CDYL: variants seen among roughly 807,000 people sequenced by gnomAD.
CDYL encodes chromodomain Y-like protein.
A neutral mutation model predicts 47.3 loss-of-function variants in CDYL; 8 were observed. That is an observed-to-expected ratio of 0.17 (90% confidence interval 0.10 to 0.31). The LOEUF is 0.31. CDYL is among the 10% of genes least tolerant of loss of function. The pLI is 1.00. For missense variants in CDYL, 471 were observed against 701.4 expected (o/e 0.67, Z 3.71); for synonymous variants, 266 against 265.0 (o/e 1.00, Z -0.04).
At chr6:4,867,097 A>C (rs1221281083) in intron 1 of CDYL, among the ~76,000 whole-genome samples, 1 of 152,080 alleles carries the variant, frequency 6.6e-6, no homozygotes, top group Non-Finnish European at 1.5e-5. Flanking sequence ...TTTCTCACAG[A>C]TATCTTTTTT....
intron 1 of CDYL, among the ~76,000 whole-genome samples, chr6:4,828,415 G>T (rs1013050993): frequency 3.3e-5 from 5 of 151,952 alleles, no homozygotes; most frequent in Admixed American, 3.3e-4. Flanking sequence ...ACACCACCAT[G>T]CCTGGCTTCA....
At chr6:4,781,230 A>AT (rs1561847409) in intron 1 of CDYL, among the ~76,000 whole-genome samples, 2 of 152,166 alleles carry the variant, frequency 1.3e-5, no homozygotes, top group African/African-American at 4.8e-5. Flanking sequence ...CTTTCTTCCT[A>AT]CTTTGCGATA....
At chr6:4,900,226 T>G (rs1486150241) in intron 2 of CDYL, among the ~76,000 whole-genome samples, 2 of 152,252 alleles carry the variant, frequency 1.3e-5, no homozygotes, top group East Asian at 3.8e-4. Context: ...TAGCATTTGC[T>G]CTTTTTATTT....
chr6:4,788,568 C>G (rs966439483), intron 1 of CDYL, among the ~76,000 whole-genome samples: 1 of 151,056 alleles, frequency 6.6e-6, no homozygotes, highest in African/African-American at 2.4e-5. Context: ...GAAAAGGAAC[C>G]CTTGGGGCAA....
At chr6:4,780,002 T>C (rs1163595223) in intron 1 of CDYL, among the ~76,000 whole-genome samples, 2 of 152,228 alleles carry the variant, frequency 1.3e-5, no homozygotes, top group South Asian at 2.1e-4. Flanking sequence ...TCCTAACTTG[T>C]AGGTTCCACA....
chr6:4,756,580 ATGTGTGTGTGTGTGTG>A (rs4053260), intron 3 of CDYL, among the ~76,000 whole-genome samples: 2 of 142,812 alleles, frequency 1.4e-5, no homozygotes, highest in East Asian at 2.1e-4. Context: ...TATCGTGTGT[ATGTGTGTGTGTGTGTG>A]TGTGTGTGTG....
rs1462920821 is a variant in CDYL at position 4,873,146 on chromosome 6, AT to A, written c.25-18564del. ...AGTACACAAAAGAGCAAGTGGTTTT[AT>A]TTGTACCAGACACCATTCTGCACTT... On this transcript the variant is annotated intron_variant, in intron 1 of 6. Transcript: ENST00000397588. Among the ~76,000 whole-genome samples, 11 of 152,330 alleles carry A rather than the reference AT, an allele frequency of 7.2e-5. No homozygotes were observed. The South Asian group carries it at 1.4e-3, about 20-fold the overall frequency.
intron 5 of CDYL, among the ~76,000 whole-genome samples, chr6:4,951,995 C>T (rs79846449): frequency 0.019 from 2,952 of 152,210 alleles, 86 homozygotes; most frequent in African/African-American, 0.067. Flanking sequence ...TTTATTGAGT[C>T]CCTGTAATTC....
At chr6:4,814,372 A>C (rs1759611935) in intron 1 of CDYL, among the ~76,000 whole-genome samples, 1 of 152,210 alleles carries the variant, frequency 6.6e-6, no homozygotes, top group Admixed American at 6.5e-5. Flanking sequence ...AGAAAGTGAA[A>C]CTGAACAGGT....
intron 2 of CDYL, among the ~76,000 whole-genome samples, chr6:4,916,108 A>G (rs554145332): frequency 5.5e-4 from 83 of 152,220 alleles, no homozygotes; most frequent in African/African-American, 1.9e-3. Flanking sequence ...CTGTATTCCT[A>G]AAATGTCTAA....
At chr6:4,751,030 ATT>A (rs1254601946) in intron 3 of CDYL, among the ~76,000 whole-genome samples, 1 of 151,230 alleles carries the variant, frequency 6.6e-6, no homozygotes, top group African/African-American at 2.4e-5. Context: ...TTTTTTGTAT[ATT>A]TTTTAGTAGA....
At position 4,895,407 on chromosome 6, in the gene CDYL, G is replaced by GTATGTA; in HGVS notation, c.691+3031_691+3032insGTATAT. 2.0e-3 allele frequency among the ~76,000 whole-genome samples: 4 copies of GTATGTA among 2,000 alleles called. 2 individuals are homozygous for GTATGTA. Among genetic ancestry groups the GTATGTA allele is most frequent in the African/African-American group, 2.0e-3 (4 of 1,954 alleles). 1.3% of individuals were successfully genotyped at this position (2,000 alleles called of 152,430 possible). ...TATGTGCATATATGCATGTATACAT[G>GTATGTA]TATACGTATATATGCATGTATACAT... is the stretch of plus-strand genomic sequence containing the variant. On this transcript the variant is annotated intron_variant, in intron 2 of 6. Transcript: ENST00000397588.
chr6:4,720,446 G>A (rs1254483070), intron 2 of CDYL, among the ~76,000 whole-genome samples: 1 of 152,120 alleles, frequency 6.6e-6, no homozygotes, highest in Non-Finnish European at 1.5e-5. Flanking sequence ...AATGTAATAT[G>A]CTCAGGTCAA....
At position 4,761,344 on chromosome 6, in the gene CDYL, C is replaced by T. The variant is rs185673352; in HGVS notation, c.186+26500C>T. ...ATATTTTTGGTGAGAGTGACTTTCCCCATGATTTTTTTTTCCCCAGACTGA... is the reference window on the plus strand; with the variant it reads ...ATATTTTTGGTGAGAGTGACTTTCCTCATGATTTTTTTTTCCCCAGACTGA... On this transcript the variant is annotated intron_variant, in intron 3 of 8. Coordinates refer to the CDYL transcript ENST00000328908. Among the ~76,000 whole-genome samples the T allele has an allele frequency of 1.9e-3, 282 of 152,182 alleles. 1 individual carries two copies. The highest frequency in any genetic ancestry group is 6.5e-3 in the African/African-American group (271 of 41,546).
intron 6 of CDYL, among the ~76,000 whole-genome samples, chr6:4,953,485 T>G (rs1201658078): frequency 6.6e-6 from 1 of 152,182 alleles, no homozygotes; most frequent in South Asian, 2.1e-4. Context: ...CTGACACGAC[T>G]CCCATCCCAG....
At chr6:4,750,883 T>G (rs1320173275) in intron 3 of CDYL, among the ~76,000 whole-genome samples, 1 of 151,342 alleles carries the variant, frequency 6.6e-6, no homozygotes, top group Non-Finnish European at 1.5e-5. Flanking sequence ...GATGGAGTCT[T>G]GCTCTGTCAC....
intron 1 of CDYL, among the ~76,000 whole-genome samples, chr6:4,707,218 T>A (rs1258639470): frequency 6.6e-6 from 1 of 152,182 alleles, no homozygotes. Context: ...GAGGCTCAAG[T>A]CATTTGTCCA....
chr6:4,809,688 A>G (rs1204785265), intron 1 of CDYL, among the ~76,000 whole-genome samples: 2 of 149,702 alleles, frequency 1.3e-5, no homozygotes, highest in African/African-American at 5.0e-5. Flanking sequence ...TTTGTATGGT[A>G]GGGGTATTAT....
chr6:4,783,757 G>A (rs962151716), intron 1 of CDYL, among the ~76,000 whole-genome samples: 5 of 152,200 alleles, frequency 3.3e-5, no homozygotes, highest in African/African-American at 1.2e-4. Context: ...CTTTATAGGA[G>A]ATCTGTCTTC....
Sources: allele counts gnomAD v4.1 joint callset (sites outside exome capture counted in the v4.1 genomes callset), GRCh38; gene constraint gnomAD v4.1.1; transcripts MANE v1.5; gene names NCBI Gene and HGNC (gene_info 2026-07-23, HGNC 2026-07-21).